WWTR1: variants seen among roughly 807,000 people sequenced by gnomAD.
The protein encoded by WWTR1 is WW domain-containing transcription regulator protein 1.
A neutral mutation model predicts 40.1 loss-of-function variants in WWTR1; 13 were observed. The observed-to-expected ratio is 0.32, with a 90% CI of 0.21 to 0.52. The LOEUF (loss-of-function observed/expected upper bound fraction) is 0.52. Ranked by LOEUF, WWTR1 falls within the 20% of genes least tolerant of loss-of-function variation. The probability of loss-of-function intolerance (pLI) is 0.97; values close to 1 mark genes in which losing one functional copy is unlikely to be tolerated. For synonymous variants in WWTR1, 230 were observed against 210.1 expected (o/e 1.09, Z -0.82); for missense variants, 436 against 523.1 (o/e 0.83, Z 1.63).
At chr3:149,568,040 T>G (rs564204040) in intron 3 of WWTR1, among the ~76,000 whole-genome samples, 61 of 152,324 alleles carry the variant, frequency 4.0e-4, no homozygotes, top group African/African-American at 1.4e-3. Flanking sequence ...TTCTCTTTTT[T>G]AAAATTTTAG....
At chr3:149,628,589 C>G (rs966024791) in intron 2 of WWTR1, among the ~76,000 whole-genome samples, 84 of 152,188 alleles carry the variant, frequency 5.5e-4, no homozygotes, top group African/African-American at 2.0e-3. Context: ...TATCCTTGTC[C>G]GCAGGATAGA....
chr3:149,696,525 G>A (rs1714996862), intron 1 of WWTR1, among the ~76,000 whole-genome samples: 1 of 152,142 alleles, frequency 6.6e-6, no homozygotes, highest in African/African-American at 2.4e-5. Context: ...TTATAACAAT[G>A]CCCTGTACAA....
intron 2 of WWTR1, among the ~76,000 whole-genome samples, chr3:149,632,300 G>A (rs968714695): frequency 3.3e-5 from 5 of 152,092 alleles, no homozygotes; most frequent in East Asian, 3.8e-4. Context: ...CCAAGGCCAC[G>A]TAGTTTCTAG....
intron 3 of WWTR1, among the ~76,000 whole-genome samples, chr3:149,568,001 A>G (rs2107988210): frequency 6.6e-6 from 1 of 152,070 alleles, no homozygotes; most frequent in South Asian, 2.1e-4. Flanking sequence ...TAGGCAGTCT[A>G]TTTTTTTCCC....
At chr3:149,707,426 AC>A (rs1264253037), upstream of WWTR1, among the ~76,000 whole-genome samples, 6 of 152,184 alleles carry the variant, frequency 3.9e-5, no homozygotes, top group African/African-American at 1.4e-4. Flanking sequence ...CAACTATCTA[AC>A]CAGTTTCTCC....
At chr3:149,711,123 T>G (rs1576649388) in intron 5 of WWTR1, among the ~76,000 whole-genome samples, 4 of 136,274 alleles carry the variant, frequency 2.9e-5, no homozygotes, top group South Asian at 2.3e-4. Flanking sequence ...TGGGAAGGGG[T>G]GAAGAGGAGA....
intron 1 of WWTR1, among the ~76,000 whole-genome samples, chr3:149,677,962 G>T (rs994588946): frequency 2.0e-5 from 3 of 151,696 alleles, no homozygotes; most frequent in African/African-American, 7.3e-5. Context: ...GTGGAGACGG[G>T]GTTTCACCAT....
intron 1 of WWTR1, among the ~76,000 whole-genome samples, chr3:149,685,415 G>A (rs544641873): frequency 1.3e-5 from 2 of 152,306 alleles, no homozygotes; most frequent in East Asian, 1.9e-4. Context: ...CCCAGAACAG[G>A]TAGAATCCAG....
intron 2 of WWTR1, among the ~76,000 whole-genome samples, chr3:149,591,081 A>G (rs1738697686): frequency 6.6e-6 from 1 of 152,018 alleles, no homozygotes; most frequent in Non-Finnish European, 1.5e-5. Flanking sequence ...AAAACAAATT[A>G]GGTCCATGTG....
intron 3 of WWTR1, among the ~76,000 whole-genome samples, chr3:149,554,385 T>G (rs1357460809): frequency 6.6e-6 from 1 of 152,232 alleles, no homozygotes; most frequent in African/African-American, 2.4e-5. Context: ...CTTCGTTTAC[T>G]TCACAGGAAA....
At chr3:149,592,908 AC>A (rs1174248633) in intron 2 of WWTR1, among the ~76,000 whole-genome samples, 1 of 151,992 alleles carries the variant, frequency 6.6e-6, no homozygotes, top group African/African-American at 2.4e-5. Context: ...TTACTTTCTA[AC>A]TTTAGCAAGT....
At position 149,517,885 on chromosome 3, in the gene WWTR1, C is replaced by T. The variant is rs1041545577; in HGVS notation, c.*2920G>A. ...TTATTTTTCATTTGATACGCCTTTT[C>T]TGTGACAAAATTTTGGGGTGAAATG... On this transcript the variant is annotated 3_prime_UTR_variant, in exon 7 of 7. Transcript: ENST00000360632. The T allele has an allele frequency of 6.6e-6, 1 of 152,060 alleles. No individual in the cohort carries two copies. Among genetic ancestry groups the T allele is most frequent in the Non-Finnish European group, 1.5e-5 (1 of 67,976 alleles). 9.4% of individuals were successfully genotyped at this position (152,060 alleles called of 1,614,324 possible). A position where few individuals can be genotyped will look rare whatever the true frequency, so the allele number is the denominator to read the frequency against.
intron 4 of WWTR1, among the ~76,000 whole-genome samples, chr3:149,720,884 T>C (rs1451420562): frequency 6.6e-6 from 1 of 152,220 alleles, no homozygotes; most frequent in Non-Finnish European, 1.5e-5. Context: ...GATGCTATTA[T>C]AAATGGAATT....
At chr3:149,564,070 G>A (rs772346717) in intron 3 of WWTR1, among the ~76,000 whole-genome samples, 1 of 152,148 alleles carries the variant, frequency 6.6e-6, no homozygotes, top group African/African-American at 2.4e-5. Flanking sequence ...TACACAATTT[G>A]ATTGTGGCTC....
chr3:149,696,151 G>C (rs1714983579), intron 1 of WWTR1, among the ~76,000 whole-genome samples: 1 of 148,224 alleles, frequency 6.7e-6, no homozygotes, highest in Non-Finnish European at 1.5e-5. Flanking sequence ...CAGATAGGAA[G>C]TGGCAGTGTC....
At chr3:149,650,093 G>A (rs991019735) in intron 2 of WWTR1, 2 of 152,028 alleles carry the variant, frequency 1.3e-5, no homozygotes, top group Non-Finnish European at 2.9e-5. Flanking sequence ...AATAGACAAT[G>A]GAGGTGTACT....
At chr3:149,647,864 G>C (rs1402638387) in intron 2 of WWTR1, among the ~76,000 whole-genome samples, 1 of 152,124 alleles carries the variant, frequency 6.6e-6, no homozygotes, top group Non-Finnish European at 1.5e-5. Flanking sequence ...TGAGAAAGTT[G>C]ACATTTACTA....
intron 5 of WWTR1, among the ~76,000 whole-genome samples, chr3:149,717,137 G>A (rs920231847): frequency 2.0e-5 from 3 of 152,132 alleles, no homozygotes; most frequent in African/African-American, 7.2e-5. Context: ...ACTCCCCAGT[G>A]GGTGACAGAC....
chr3:149,572,852 CT>C lies in WWTR1; in HGVS notation c.568+11del, dbSNP rs762946126. ...AATATCTTTTTTAATTTTAAAAAAG[CT>C]TGAGGCTTACCGAGATTTGGCTGGG... On this transcript the variant is annotated intron_variant, in intron 3 of 6. Coordinates refer to ENST00000360632, the MANE Select transcript of WWTR1 (RefSeq NM_015472.6). The C allele has an allele frequency of 1.5e-5, 25 of 1,613,160 alleles. No homozygotes were observed. The African/African-American group carries it at 2.5e-4, about 16-fold the overall frequency.
Sources: gnomAD v4.1 joint callset for allele counts (sites outside exome capture counted in the v4.1 genomes callset) on GRCh38, gnomAD v4.1.1 for gene constraint, MANE v1.5 for transcripts, NCBI Gene and HGNC (gene_info 2026-07-23, HGNC 2026-07-21) for gene names.